The following SLC4A7 variants were observed in gnomAD, a reference collection of about 807,000 sequenced individuals.
SLC4A7 encodes the protein solute carrier family 4 member 7, also known as sodium bicarbonate cotransporter 3.
In SLC4A7, 51 loss-of-function variants were observed where a neutral mutation model predicts 137.6. That is an observed-to-expected ratio of 0.37 (90% CI 0.30 to 0.47). The LOEUF (loss-of-function observed/expected upper bound fraction) is 0.47. Ranked by LOEUF, SLC4A7 falls within the 20% of genes least tolerant of loss-of-function variation. The pLI, the probability that SLC4A7 is intolerant of heterozygous loss-of-function variation, is 1.00. For synonymous variants in SLC4A7, 542 were observed against 518.6 expected, an observed-to-expected ratio of 1.05 and a Z score of -0.61; for missense variants, 1,247 against 1,525.4, an observed-to-expected ratio of 0.82 and a Z score of 3.04.
intron 12 of SLC4A7, among the ~76,000 whole-genome samples, chr3:27,410,912 T>A (rs193231184): frequency 7.9e-5 from 12 of 152,288 alleles, no homozygotes; most frequent in Admixed American, 7.2e-4. Flanking sequence ...AAGGATGTCA[T>A]CAAAATCCCT....
chr3:27,451,005 T>A (rs951541271), intron 2 of SLC4A7, among the ~76,000 whole-genome samples: 95 of 152,154 alleles, frequency 6.2e-4, no homozygotes, highest in African/African-American at 2.2e-3. Context: ...ACATTTGAAT[T>A]AGTAAAATTA....
intron 1 of SLC4A7, among the ~76,000 whole-genome samples, chr3:27,456,163 A>G (rs2058394468): frequency 1.3e-5 from 2 of 152,198 alleles, no homozygotes; most frequent in Admixed American, 6.5e-5. Context: ...TATAGTGTCT[A>G]ATATCCTTTT....
rs992809243 is a variant in SLC4A7 at position 27,386,105 on chromosome 3, T to C, written c.3361-82A>G. 1.7e-5 allele frequency: 20 copies of C among 1,149,456 alleles called. No homozygotes were observed. In the Admixed American group the frequency reaches 5.5e-4, roughly 32 times the overall value. The allele number at this position is 1,149,456 out of a possible 1,614,324, so 71.2% of individuals were successfully genotyped here. ...AAAGAGGAAAAGCATATTTATTAAA[T>C]CTTATAAAAAATGCTTCATATAGTT... On this transcript the variant is annotated intron_variant, in intron 22 of 25. Transcript: ENST00000454389.
chr3:27,406,543 G>T (rs755891880), intron 13 of SLC4A7, among the ~76,000 whole-genome samples: 1 of 152,114 alleles, frequency 6.6e-6, no homozygotes, highest in Non-Finnish European at 1.5e-5. Context: ...GGAGAAAAAT[G>T]TTCTTAAAAG....
At chr3:27,433,536 A>G (rs1188516613) in intron 6 of SLC4A7, among the ~76,000 whole-genome samples, 1 of 152,202 alleles carries the variant, frequency 6.6e-6, no homozygotes, top group African/African-American at 2.4e-5. Context: ...CCTTAGTGTA[A>G]GACTGGAACA....
chr3:27,400,641 C>T, intron 16 of SLC4A7, 123 bp downstream of exon 16: 1 of 616,726 alleles, frequency 1.6e-6, no homozygotes, highest in South Asian at 2.1e-5. Context: ...GTCAAAATAA[C>T]ACTACATTCT....
intron 22 of SLC4A7, among the ~76,000 whole-genome samples, chr3:27,389,258 G>GT (rs1431093284): frequency 6.6e-6 from 1 of 151,910 alleles, no homozygotes; most frequent in Non-Finnish European, 1.5e-5. Context: ...TTTTTTAACT[G>GT]TTTTCTATTC....
At chr3:27,469,439 A>T (rs1355691977) in intron 1 of SLC4A7, among the ~76,000 whole-genome samples, 1 of 152,146 alleles carries the variant, frequency 6.6e-6, no homozygotes, top group Non-Finnish European at 1.5e-5. Context: ...TGGGGTTTCC[A>T]CAATCCCCTC....
intron 11 of SLC4A7, among the ~76,000 whole-genome samples, chr3:27,413,535 G>A (rs1331028457): frequency 6.6e-6 from 1 of 152,094 alleles, no homozygotes; most frequent in Non-Finnish European, 1.5e-5. Context: ...TCCAAACTGG[G>A]TTGACTCCAG....
intron 16 of SLC4A7, 84 bp from the exon 17 acceptor site, chr3:27,398,437 TGCAACTGATTGTAAGAG>T: frequency 8.4e-7 from 1 of 1,185,056 alleles, no homozygotes; most frequent in South Asian, 1.7e-5. Context: ...ACTCGTAAGA[TGCAACTGATTGTAAGAG>T]GCACCATTAC....
At position 27,418,632 on chromosome 3, in the gene SLC4A7, T is replaced by C. The variant is rs759154034; in HGVS notation, c.1513A>G (p.Ile505Val). The change falls in exon 11 of 26, where the codon ATT (isoleucine) becomes GTT (valine). Residue 505 changes from isoleucine to valine, a missense_variant and splice_region_variant. This residue lies in a region of SLC4A7 where 499 missense variants were observed against 664.2 expected (regional missense o/e 0.75). Coordinates refer to ENST00000454389, the MANE Select transcript of SLC4A7 (RefSeq NM_001321103.2). Reference protein sequence around the residue: ...RSIATLMTDEIFHDVAYKAKD... With the variant: ...RSIATLMTDEVFHDVAYKAKD... ...GCTTTATAAGCTACATCATGGAAAA[T>C]CTAAGTGAAAAAAATATTGAGTAAA... The C allele has an allele frequency of 1.6e-5, 25 of 1,563,860 alleles. No homozygotes were observed. Among genetic ancestry groups the C allele is most frequent in the Non-Finnish European group, 2.1e-5 (24 of 1,147,938 alleles).
intron 2 of SLC4A7, among the ~76,000 whole-genome samples, chr3:27,452,212 G>C (rs1042391581): frequency 6.6e-6 from 1 of 151,968 alleles, no homozygotes; most frequent in Non-Finnish European, 1.5e-5. Flanking sequence ...GGTAATTAAT[G>C]GTAACCATCA....
At chr3:27,471,425 G>A (rs773029920) in intron 1 of SLC4A7, among the ~76,000 whole-genome samples, 4 of 152,098 alleles carry the variant, frequency 2.6e-5, no homozygotes, top group Non-Finnish European at 4.4e-5. Context: ...TTTTTGAGAC[G>A]GAGTTTCACA....
intron 24 of SLC4A7, among the ~76,000 whole-genome samples, chr3:27,380,536 T>C (rs780378638): frequency 4.6e-5 from 7 of 152,082 alleles, no homozygotes; most frequent in Non-Finnish European, 8.8e-5. Flanking sequence ...AAAAAATACA[T>C]TCAGACAAAC....
At chr3:27,447,538 A>G (rs2057750010) in intron 3 of SLC4A7, among the ~76,000 whole-genome samples, 1 of 152,128 alleles carries the variant, frequency 6.6e-6, no homozygotes, top group African/African-American at 2.4e-5. Context: ...TTTGCTAGAA[A>G]GCAAACACTA....
chr3:27,379,367 A>C lies in SLC4A7; in HGVS notation c.3591-11T>G. 1.4e-6 allele frequency: 2 copies of C among 1,436,932 alleles called. No individual in the cohort carries two copies. Among genetic ancestry groups the C allele is most frequent in the Non-Finnish European group, 1.9e-6 (2 of 1,056,438 alleles). The allele number at this position is 1,436,932 out of a possible 1,614,324, so 89.0% of individuals were successfully genotyped here. On this transcript the variant is annotated splice_polypyrimidine_tract_variant and intron_variant, in intron 24 of 25. Coordinates refer to ENST00000454389, the MANE Select transcript of SLC4A7 (RefSeq NM_001321103.2). ...ATTGAGGGATCAACACTGAAGAACA[A>C]ATACACTTTTTGGTTAGTATTCAGT...
At chr3:27,383,733 G>T (rs369903548) in intron 23 of SLC4A7, among the ~76,000 whole-genome samples, 200 of 152,220 alleles carry the variant, frequency 1.3e-3, no homozygotes, top group Non-Finnish European at 2.2e-3. Context: ...CCTATCAGAT[G>T]CCAGTAGCAG....
intron 1 of SLC4A7, chr3:27,456,628 C>A: frequency 6.8e-7 from 1 of 1,463,752 alleles, no homozygotes; most frequent in Non-Finnish European, 9.6e-7. Flanking sequence ...AAATAAAAGA[C>A]AAGATCATAA....
chr3:27,452,387 A>G, intron 2 of SLC4A7, 30 bp downstream of exon 2: 1 of 1,389,996 alleles, frequency 7.2e-7, no homozygotes, highest in Non-Finnish European at 1.0e-6. Flanking sequence ...TATCCTACTA[A>G]GCGAAGTAAG....
Sources: gnomAD v4.1 joint callset for allele counts (sites outside exome capture counted in the v4.1 genomes callset) on GRCh38, gnomAD v4.1.1 for gene constraint, gnomAD v4.1.1 regional missense constraint, MANE v1.5 for transcripts, NCBI Gene and HGNC (gene_info 2026-07-23, HGNC 2026-07-21) for gene names.